MTO1: variants seen among roughly 807,000 people sequenced by gnomAD.
MTO1 encodes 5-taurinomethyluridine-[tRNA] synthase subunit MTO1, mitochondrial.
Under a neutral mutation model 71.6 loss-of-function variants are expected in MTO1, and 46 were observed. The observed-to-expected ratio is 0.64, with a 90% CI of 0.51 to 0.82. MTO1 has a LOEUF of 0.82. Among genes scored for constraint, MTO1 ranks in the 40% least tolerant of loss-of-function variants. The pLI, the probability that MTO1 is intolerant of heterozygous loss-of-function variation, is 0.00. For synonymous variants in MTO1, 297 were observed against 312.1 expected (o/e 0.95, Z 0.51); for missense variants, 773 against 867.5 (o/e 0.89, Z 1.37).
intron 4 of MTO1, among the ~76,000 whole-genome samples, chr6:73,477,905 T>C (rs1194253992): frequency 6.6e-6 from 1 of 152,148 alleles, no homozygotes; most frequent in Non-Finnish European, 1.5e-5. Flanking sequence ...CAATCTTTAA[T>C]GGTGCCGACA....
chr6:73,480,604 A>G, intron 6 of MTO1, 71 bp from the exon 7 acceptor site: 1 of 1,558,984 alleles, frequency 6.4e-7, no homozygotes, highest in Non-Finnish European at 8.8e-7. Flanking sequence ...TTTAAGGGTA[A>G]TGCTTGCATC....
intron 3 of MTO1, 96 bp downstream of exon 3, chr6:73,466,702 C>G: frequency 9.3e-7 from 1 of 1,070,510 alleles, no homozygotes; most frequent in Non-Finnish European, 1.4e-6. Flanking sequence ...GTTGCTTATT[C>G]AAGGAACTTG....
At chr6:73,466,460 A>G (rs180889226) in intron 2 of MTO1, 29 bp from the exon 3 acceptor site, 425 of 1,613,340 alleles carry the variant, frequency 2.6e-4, no homozygotes, top group Non-Finnish European at 3.5e-4. Flanking sequence ...TTTAATTACC[A>G]TGTTTCAACT....
In MTO1 at chr6:73,473,660, ATACTTTACGAAAACCTGGCT is replaced by A. The variant is rs1177694932; in HGVS notation, c.825+10_825+29del. On this transcript the variant is annotated splice_region_variant and intron_variant, in intron 4 of 11. Transcript: ENST00000498286. ...ATGAGACAGTATGGATTAAGGTAAG[ATACTTTACGAAAACCTGGCT>A]TACAGCTGGTATTGGCTATTCACAG... is the stretch of plus-strand genomic sequence containing the variant. 14 of 1,592,606 alleles carry A rather than the reference ATACTTTACGAAAACCTGGCT, an allele frequency of 8.8e-6. No homozygotes were observed. Among genetic ancestry groups the A allele is most frequent in the Non-Finnish European group, 1.0e-5 (12 of 1,165,594 alleles).
intron 9 of MTO1, among the ~76,000 whole-genome samples, chr6:73,488,260 A>G (rs1771709090): frequency 6.6e-6 from 1 of 151,982 alleles, no homozygotes; most frequent in African/African-American, 2.4e-5. Context: ...TGCAGCCTCA[A>G]GCTCCATGAC....
rs912747868 is a variant in MTO1, at chr6:73,497,979, C to G, written c.1917+83C>G. 1.2e-5 allele frequency: 14 copies of G among 1,185,898 alleles called. No individual in the cohort carries two copies. The South Asian group carries it at 1.4e-4, about 12-fold the overall frequency. The allele number at this position is 1,185,898 out of a possible 1,614,324, so 73.5% of individuals were successfully genotyped here. On this transcript the variant is annotated intron_variant, in intron 11 of 11. Transcript: ENST00000498286. ...TTTTTTAAACCTGGGGTTATAATGG[C>G]CATATAACTAATGTTTTATTTAGTA...
At chr6:73,478,065 A>G (rs1021200522) in intron 4 of MTO1, among the ~76,000 whole-genome samples, 1 of 151,620 alleles carries the variant, frequency 6.6e-6, no homozygotes, top group African/African-American at 2.4e-5. Flanking sequence ...CCTGGCCAAC[A>G]TGGTGAAACC....
At position 73,501,500 on chromosome 6, in the gene MTO1, A is replaced by T. The variant is rs1480118985; in HGVS notation, c.*765A>T. On this transcript the variant is annotated 3_prime_UTR_variant, in exon 12 of 12. Coordinates refer to ENST00000498286, the MANE Select transcript of MTO1 (RefSeq NM_012123.4). Reference sequence around the variant, plus strand: ...ATTTCTTAATAATGAAGACAGGTCCATAGTAACTGGTGAGTGGTGTTTCCC... The same window carrying T: ...ATTTCTTAATAATGAAGACAGGTCCTTAGTAACTGGTGAGTGGTGTTTCCC... 6.6e-6 allele frequency: 1 copy of T among 152,238 alleles called. No individual in the cohort carries two copies. The allele number at this position is 152,238 out of a possible 1,614,324, so 9.4% of individuals were successfully genotyped here.
Position 73,474,231 on chromosome 6 carries a change from C to T in MTO1, c.825+577C>T, listed in dbSNP as rs557846557. Among the ~76,000 whole-genome samples, 399 of 151,688 alleles carry T rather than the reference C, an allele frequency of 2.6e-3. 4 individuals are homozygous for T. Among genetic ancestry groups the T allele is most frequent in the African/African-American group, 9.3e-3 (384 of 41,348 alleles). Reference sequence around the variant, plus strand: ...CCTCAGCCTCCCGAGTATACAGGCACGCGCCACCACACCCGGCTAATTTTT... The same window carrying T: ...CCTCAGCCTCCCGAGTATACAGGCATGCGCCACCACACCCGGCTAATTTTT... On this transcript the variant is annotated intron_variant, in intron 4 of 11. Coordinates refer to ENST00000498286, the MANE Select transcript of MTO1 (RefSeq NM_012123.4).
chr6:73,497,783 G>A lies in MTO1; in HGVS notation c.1804G>A (p.Val602Ile), dbSNP rs1415983195. ...LFHQLQEIKG[V>I]QQDEALQLPK... The stretch of plus-strand genomic sequence containing the variant: ...CCATCAACTACAAGAAATAAAGGGA[G>A]TTCAGCAAGATGAAGCTCTCCAACT... The change falls in exon 11 of 12, where the codon GTT becomes ATT. Residue 602 changes from valine (V) to isoleucine (I), a missense_variant. Val to Ile is a conservative substitution (Grantham distance 29). Transcript: ENST00000498286. 3 of 1,613,870 alleles carry A rather than the reference G, an allele frequency of 1.9e-6. No individual in the cohort carries two copies. Among genetic ancestry groups the A allele is most frequent in the Non-Finnish European group, 2.5e-6 (3 of 1,179,924 alleles).
At chr6:73,481,890 A>G in intron 7 of MTO1, 150 bp from the exon 8 acceptor site, 1 of 728,232 alleles carries the variant, frequency 1.4e-6, no homozygotes, top group Non-Finnish European at 2.3e-6. Context: ...ATTTCTGAAT[A>G]TGGATCACAT....
intron 10 of MTO1, among the ~76,000 whole-genome samples, chr6:73,494,505 C>T (rs1266164800): frequency 4.9e-5 from 7 of 143,816 alleles, no homozygotes; most frequent in Non-Finnish European, 7.5e-5. Context: ...GAGACGGAGT[C>T]TCGCTTTGTC....
Position 73,472,855 on chromosome 6 carries a change from T to C in MTO1, c.536-510T>C, listed in dbSNP as rs961071807. Among the ~76,000 whole-genome samples the C allele has an allele frequency of 2.0e-5, 3 of 152,210 alleles. 1 individual carries two copies. Among genetic ancestry groups the C allele is most frequent in the Non-Finnish European group, 4.4e-5 (3 of 68,032 alleles). ...TATACAGTTTTTTATATGTCTGTTA[T>C]ATGTCGATAAGTCTTGAAAAAACAA... On this transcript the variant is annotated intron_variant, in intron 3 of 11. Transcript: ENST00000498286.
At chr6:73,499,314 C>T (rs1031610438) in intron 11 of MTO1, among the ~76,000 whole-genome samples, 2 of 152,042 alleles carry the variant, frequency 1.3e-5, no homozygotes, top group Non-Finnish European at 2.9e-5. Context: ...TACACTGCCA[C>T]ACTGTCCAAC....
At chr6:73,481,873 A>G (rs1314757665) in intron 7 of MTO1, among the ~76,000 whole-genome samples, 167 bp from the exon 8 acceptor site, 3 of 152,146 alleles carry the variant, frequency 2.0e-5, no homozygotes, top group African/African-American at 4.8e-5. Flanking sequence ...TATATTACCC[A>G]TATTCTATTT....
chr6:73,493,005 T>C (rs1771863952), intron 10 of MTO1, among the ~76,000 whole-genome samples: 1 of 146,008 alleles, frequency 6.8e-6, no homozygotes, highest in African/African-American at 2.5e-5. Flanking sequence ...TTTTTTTTTT[T>C]TTTTTTGAGG....
intron 10 of MTO1, among the ~76,000 whole-genome samples, chr6:73,493,384 G>GTGTGTGTGTA (rs1465380742): frequency 6.0e-5 from 9 of 149,712 alleles, no homozygotes; most frequent in Non-Finnish European, 1.2e-4. Context: ...GTGTGTGTGT[G>GTGTGTGTGTA]TGTGTTTTGG....
At chr6:73,483,194 A>G (rs1018346790) in intron 9 of MTO1, among the ~76,000 whole-genome samples, 1 of 152,042 alleles carries the variant, frequency 6.6e-6, no homozygotes, top group Non-Finnish European at 1.5e-5. Flanking sequence ...GGATCACTTG[A>G]GTTCAGGAGT....
intron 9 of MTO1, 111 bp downstream of exon 9, chr6:73,482,731 G>T: frequency 9.1e-6 from 7 of 765,712 alleles, no homozygotes; most frequent in Admixed American, 3.6e-5. Flanking sequence ...TCAAATGAAT[G>T]TAGCTTGTTT....
Sources: allele counts gnomAD v4.1 joint callset (sites outside exome capture counted in the v4.1 genomes callset), GRCh38; gene constraint gnomAD v4.1.1; transcripts MANE v1.5; gene names NCBI Gene and HGNC (gene_info 2026-07-23, HGNC 2026-07-21).